Variants in CHD1 observed in about 807,000 individuals in gnomAD.
CHD1 encodes ATP-dependent chromatin remodeler CHD1.
In CHD1, 36 loss-of-function variants were observed where a neutral mutation model predicts 224.2. The ratio of observed to expected loss-of-function variants is 0.16; its 90% CI spans 0.12 to 0.21. The LOEUF is 0.21. CHD1 is among the 10% of genes least tolerant of loss of function. CHD1 has a pLI of 1.00. For synonymous variants in CHD1, 668 were observed against 658.3 expected, an observed-to-expected ratio of 1.01 and a Z score of -0.23; for missense variants, 1,378 against 1,994.8, an observed-to-expected ratio of 0.69 and a Z score of 5.89.
chr5:98,923,693 G>C (rs161951), intron 2 of CHD1, among the ~76,000 whole-genome samples: 2 of 151,950 alleles, frequency 1.3e-5, no homozygotes, highest in Non-Finnish European at 2.9e-5. Context: ...GATTACAGGC[G>C]TAAGCCACCG....
Position 98,928,860 on chromosome 5 carries a change from G to T in CHD1, c.-470C>A. 1 of 154,856 alleles carries T rather than the reference G, an allele frequency of 6.5e-6. No homozygotes were observed. Among genetic ancestry groups the T allele is most frequent in the South Asian group, 1.6e-4 (1 of 6,342 alleles). The allele number at this position is 154,856 out of a possible 1,614,324, so 9.6% of individuals were successfully genotyped here. A position where few individuals can be genotyped will look rare whatever the true frequency, so the allele number is the denominator to read the frequency against. On this transcript the variant is annotated 5_prime_UTR_variant, in exon 1 of 36. Coordinates refer to ENST00000614616, the MANE Select transcript of CHD1 (RefSeq NM_001270.4). ...GCGCTCCCGCTCCCTCCGCTTATCTGCCCCCGGCAGCCGCCATGACGCCGA... is the reference window on the plus strand; with the variant it reads ...GCGCTCCCGCTCCCTCCGCTTATCTTCCCCCGGCAGCCGCCATGACGCCGA...
chr5:98,924,823 C>T (rs162158), intron 2 of CHD1, among the ~76,000 whole-genome samples: 4 of 152,022 alleles, frequency 2.6e-5, no homozygotes, highest in African/African-American at 9.6e-5. Context: ...AAAAAAAATA[C>T]AAAAATTAGC....
rs767221221 is a variant in CHD1, at chr5:98,901,023, G to C, written c.647C>G (p.Ser216Cys). The C allele has an allele frequency of 6.2e-7, 1 of 1,612,498 alleles. No individual in the cohort carries two copies. Among genetic ancestry groups the C allele is most frequent in the African/African-American group, 1.3e-5 (1 of 74,778 alleles). The change falls in exon 7 of 36, where the codon TCT (serine) becomes TGT (cysteine). Residue 216 changes from serine (S) to cysteine (C), a missense_variant. By Grantham distance (112) the Ser-to-Cys change is moderately radical (BLOSUM62 -1). Around this residue, in one of 16 missense-constraint regions of CHD1, gnomAD observed 306 missense variants for 298.1 expected, o/e 1.03. Coordinates refer to ENST00000614616, the MANE Select transcript of CHD1 (RefSeq NM_001270.4). ...ATCTTCTTCATCATCATCCTCCTCAGATGAATCAATCTGTCTCTTTTTTTG... is the reference window on the plus strand; with the variant it reads ...ATCTTCTTCATCATCATCCTCCTCACATGAATCAATCTGTCTCTTTTTTTG... ...LGQKKRQIDS[S>C]EEDDDEEDYD...
Position 98,873,651 on chromosome 5 carries a change from C to G in CHD1, c.3513G>C (p.Leu1171Phe). Residue 1171 changes from leucine (L) to phenylalanine (F), a missense_variant, in exon 26 of 36, where the codon TTG becomes TTC. Leu to Phe is a conservative substitution (Grantham distance 22, BLOSUM62 0). Transcript: ENST00000614616. ...SETDLRRLGE[L>F]VHNGCIKALK... Reference sequence around the variant, plus strand: ...ATGCTTTAATGCAACCATTATGTACCAATTCTCCCAGTCGTCTAAGGTCTG... The same window carrying G: ...ATGCTTTAATGCAACCATTATGTACGAATTCTCCCAGTCGTCTAAGGTCTG... 6.2e-7 allele frequency: 1 copy of G among 1,609,272 alleles called. No individual in the cohort carries two copies. The highest frequency in any genetic ancestry group is 8.5e-7 in the Non-Finnish European group (1 of 1,177,914).
At chr5:98,867,162 ACATT>A (rs1270794947) in intron 31 of CHD1, among the ~76,000 whole-genome samples, 6 of 152,306 alleles carry the variant, frequency 3.9e-5, no homozygotes, top group African/African-American at 1.2e-4. Flanking sequence ...ATGAATACAT[ACATT>A]GAGTAAATTA....
chr5:98,858,747 G>T, intron 34 of CHD1: 1 of 436,370 alleles, frequency 2.3e-6, no homozygotes, highest in Non-Finnish European at 4.0e-6. Context: ...AGAAAAGGAT[G>T]ATTAAAAGGA....
Position 98,918,206 on chromosome 5 carries a change from C to T in CHD1, c.53+8128G>A, listed in dbSNP as rs113446541. ...CCGAGTAGCTGGGACCACAGGTGCC[C>T]GCCAACACGCCCAGCTAATTTTTTT... On this transcript the variant is annotated intron_variant, in intron 2 of 35. Transcript: ENST00000614616. Among the ~76,000 whole-genome samples the T allele has an allele frequency of 4.7e-3, 715 of 151,738 alleles. 8 individuals carry two copies. The highest frequency in any genetic ancestry group is 0.016 in the African/African-American group (657 of 41,412).
At position 98,888,255 on chromosome 5, in the gene CHD1, C is replaced by G. The variant is rs1220613868; in HGVS notation, c.2344-15G>C. The G allele has an allele frequency of 6.3e-7, 1 of 1,590,790 alleles. No homozygotes were observed. The highest frequency in any genetic ancestry group is 2.3e-5 in the East Asian group (1 of 44,396). On this transcript the variant is annotated splice_polypyrimidine_tract_variant and intron_variant, in intron 16 of 35. Coordinates refer to ENST00000614616, the MANE Select transcript of CHD1 (RefSeq NM_001270.4). The stretch of plus-strand genomic sequence containing the variant: ...CGAATTAAGTGCTACAGAAACAATT[C>G]AAGTTGTTATATGTTAAAAGACATA...
Position 98,898,701 on chromosome 5 carries a change from A to G in CHD1, c.1149T>C (p.Asp383=), listed in dbSNP as rs1040895120. The G allele has an allele frequency of 6.3e-7, 1 of 1,594,648 alleles. No individual in the cohort carries two copies. The highest frequency in any genetic ancestry group is 8.6e-7 in the Non-Finnish European group (1 of 1,163,408). The change falls in exon 9 of 36, where the codon GAT becomes GAC. Residue 383 remains aspartate (D), a synonymous_variant. Transcript: ENST00000614616. ...CCACTATTTGATACTGTTTATGTAG[A>G]TCATCTGTAAGTTCTTGCTGGCAAT... ...YYNCQQELTD[D]LHKQYQIVER... is the part of the protein sequence containing the mutation.
intron 35 of CHD1, 75 bp downstream of exon 35, chr5:98,858,105 G>A: frequency 1.7e-6 from 2 of 1,155,708 alleles, no homozygotes; most frequent in Non-Finnish European, 2.6e-6. Flanking sequence ...TTGGCTGACA[G>A]GTCAAATACA....
intron 12 of CHD1, 147 bp downstream of exon 12, chr5:98,896,078 TC>T: frequency 3.1e-6 from 2 of 636,140 alleles, no homozygotes; most frequent in Non-Finnish European, 2.8e-6. Context: ...GGTGGCGTGC[TC>T]CTGTGGTCCC....
At chr5:98,919,379 A>C (rs541137228) in intron 2 of CHD1, among the ~76,000 whole-genome samples, 5 of 152,190 alleles carry the variant, frequency 3.3e-5, no homozygotes, top group South Asian at 2.1e-4. Context: ...TTTTATTATA[A>C]ATTTATCACA....
chr5:98,869,827 A>G lies in CHD1; in HGVS notation c.4034T>C (p.Ile1345Thr), dbSNP rs1158771963. Reference sequence around the variant, plus strand: ...ACTCTTTATTTCCTCTTTCACTTTTATAGACTTCATTGCTTTATTCTTCTT... The same window carrying G: ...ACTCTTTATTTCCTCTTTCACTTTTGTAGACTTCATTGCTTTATTCTTCTT... ...RAKKNKAMKS[I>T]KVKEEIKSDS... Residue 1345 changes from isoleucine (I) to threonine (T), a missense_variant, in exon 30 of 36, where the codon ATA becomes ACA. By Grantham distance (89) the Ile-to-Thr change is moderately conservative. Transcript: ENST00000614616. 3.7e-6 allele frequency: 6 copies of G among 1,610,298 alleles called. No individual in the cohort carries two copies. In the African/African-American group the frequency reaches 4.0e-5, roughly 11 times the overall value.
chr5:98,869,357 G>T, intron 30 of CHD1: 2 of 646,718 alleles, frequency 3.1e-6, no homozygotes, highest in Non-Finnish European at 3.9e-6. Flanking sequence ...ACTACAGATT[G>T]CATGTATGTG....
At chr5:98,898,214 T>A (rs773789324) in intron 10 of CHD1, 42 bp downstream of exon 10, 1 of 1,083,626 alleles carries the variant, frequency 9.2e-7, no homozygotes, top group Non-Finnish European at 1.2e-6. Context: ...TTATAATGTA[T>A]AAATATATTT....
In CHD1 at chr5:98,873,675, T is replaced by C; in HGVS notation, c.3489A>G (p.Thr1163=). The part of the protein sequence containing the change: ...RDAELVDKSE[T]DLRRLGELVH... Reference sequence around the variant, plus strand: ...CCAATTCTCCCAGTCGTCTAAGGTCTGTTTCTGACTTATCAACTAACTCAG... The same window carrying C: ...CCAATTCTCCCAGTCGTCTAAGGTCCGTTTCTGACTTATCAACTAACTCAG... Residue 1163 remains threonine (T), a synonymous_variant, in exon 26 of 36, where the codon ACA becomes ACG. Coordinates refer to ENST00000614616, the MANE Select transcript of CHD1 (RefSeq NM_001270.4). 1.9e-6 allele frequency: 3 copies of C among 1,610,478 alleles called. No individual in the cohort carries two copies. The highest frequency in any genetic ancestry group is 1.7e-5 in the Admixed American group (1 of 59,258).
At chr5:98,914,743 T>TA (rs1350954647) in intron 2 of CHD1, among the ~76,000 whole-genome samples, 4 of 152,190 alleles carry the variant, frequency 2.6e-5, no homozygotes, top group Non-Finnish European at 4.4e-5. Flanking sequence ...TATTAAAAAA[T>TA]AAGACTATTC....
chr5:98,876,869 T>C (rs1749801707), intron 23 of CHD1, among the ~76,000 whole-genome samples: 1 of 152,126 alleles, frequency 6.6e-6, no homozygotes, highest in Non-Finnish European at 1.5e-5. Flanking sequence ...GTAATTTACA[T>C]CATAAAAGAA....
intron 23 of CHD1, among the ~76,000 whole-genome samples, chr5:98,879,171 T>C (rs1749983594): frequency 1.3e-5 from 2 of 152,170 alleles, no homozygotes; most frequent in African/African-American, 4.8e-5. Flanking sequence ...GAGGTTAAGG[T>C]TGCAGTGAGC....
Sources: allele counts gnomAD v4.1 joint callset (sites outside exome capture counted in the v4.1 genomes callset), GRCh38; gene constraint gnomAD v4.1.1; regional missense constraint gnomAD v4.1.1; transcripts MANE v1.5; gene names NCBI Gene and HGNC (gene_info 2026-07-23, HGNC 2026-07-21).